Variants in ARSB observed in about 807,000 individuals in gnomAD.
ARSB encodes arylsulfatase B.
ARSB carries 41 observed loss-of-function variants against 50.9 expected under a neutral mutation model. That is an observed-to-expected ratio of 0.81 (90% CI 0.63 to 1.04). The LOEUF is 1.04. ARSB is among the 50% of genes least tolerant of loss of function. The pLI, the probability that ARSB is intolerant of heterozygous loss-of-function variation, is 0.00. For missense variants in ARSB, 672 were observed against 693.3 expected, an observed-to-expected ratio of 0.97 and a Z score of 0.35; for synonymous variants, 269 against 284.8, an observed-to-expected ratio of 0.94 and a Z score of 0.56.
chr5:78,805,748 G>T (rs1052246021), intron 6 of ARSB, among the ~76,000 whole-genome samples: 3 of 152,330 alleles, frequency 2.0e-5, no homozygotes, highest in Non-Finnish European at 2.9e-5. Flanking sequence ...TAAAATTTTT[G>T]ATTATCATCG....
At chr5:78,937,356 A>G (rs1416816616) in intron 4 of ARSB, among the ~76,000 whole-genome samples, 1 of 129,484 alleles carries the variant, frequency 7.7e-6, no homozygotes, top group African/African-American at 2.9e-5. Context: ...TATCATATAT[A>G]TGTAAGATAT....
At chr5:78,845,307 T>G (rs1745395985) in intron 5 of ARSB, among the ~76,000 whole-genome samples, 1 of 152,172 alleles carries the variant, frequency 6.6e-6, no homozygotes, top group Non-Finnish European at 1.5e-5. Flanking sequence ...ATTCTATATC[T>G]TGGGTATTGT....
chr5:78,855,502 G>C (rs1746093271), intron 5 of ARSB, among the ~76,000 whole-genome samples: 1 of 152,162 alleles, frequency 6.6e-6, no homozygotes, highest in Admixed American at 6.5e-5. Flanking sequence ...CATTGGGCTG[G>C]GGCAGTTCAG....
At chr5:78,972,602 G>C (rs914238558) in intron 1 of ARSB, among the ~76,000 whole-genome samples, 1 of 151,460 alleles carries the variant, frequency 6.6e-6, no homozygotes, top group Non-Finnish European at 1.5e-5. Flanking sequence ...AGAGAAAATT[G>C]ACCCTAGGAC....
intron 2 of ARSB, among the ~76,000 whole-genome samples, chr5:78,968,496 G>T (rs778452574): frequency 3.2e-4 from 49 of 152,076 alleles, no homozygotes; most frequent in Non-Finnish European, 5.0e-4. Context: ...CTATGGGCAA[G>T]TGCCACCATG....
At chr5:78,866,454 C>T (rs544613802) in intron 5 of ARSB, among the ~76,000 whole-genome samples, 4 of 152,170 alleles carry the variant, frequency 2.6e-5, no homozygotes, top group Non-Finnish European at 5.9e-5. Flanking sequence ...GGTGGGGACA[C>T]AGCCAAACCA....
chr5:78,832,171 A>G (rs1433325110), intron 6 of ARSB, among the ~76,000 whole-genome samples: 2 of 152,196 alleles, frequency 1.3e-5, no homozygotes, highest in African/African-American at 2.4e-5. Flanking sequence ...CTCAAGTTCA[A>G]AAGAATCAGA....
At chr5:78,979,646 C>T (rs1752813293) in intron 1 of ARSB, among the ~76,000 whole-genome samples, 1 of 152,126 alleles carries the variant, frequency 6.6e-6, no homozygotes, top group Non-Finnish European at 1.5e-5. Context: ...CTGTTTCCCC[C>T]TTTTTTCCTT....
chr5:78,859,203 C>T (rs530510340), intron 5 of ARSB, among the ~76,000 whole-genome samples: 20 of 151,928 alleles, frequency 1.3e-4, no homozygotes, highest in South Asian at 6.2e-4. Context: ...AGTATAGGCA[C>T]GGAAATTAGA....
chr5:78,798,505 C>T (rs1432931783), intron 6 of ARSB, among the ~76,000 whole-genome samples: 1 of 152,186 alleles, frequency 6.6e-6, no homozygotes, highest in East Asian at 1.9e-4. Flanking sequence ...AAGACCCCCC[C>T]GCCCCCTACA....
intron 4 of ARSB, among the ~76,000 whole-genome samples, chr5:78,903,657 CT>C (rs1011701680): frequency 6.6e-6 from 1 of 152,102 alleles, no homozygotes; most frequent in African/African-American, 2.4e-5. Context: ...ACACAAAATT[CT>C]TTTTTGGAAA....
intron 6 of ARSB, among the ~76,000 whole-genome samples, chr5:78,791,585 T>C (rs1214918793): frequency 1.3e-5 from 2 of 152,196 alleles, no homozygotes; most frequent in African/African-American, 2.4e-5. Context: ...CTGGTGCACA[T>C]GTGGCTCAAA....
intron 6 of ARSB, among the ~76,000 whole-genome samples, chr5:78,810,390 C>T (rs888308604): frequency 6.6e-5 from 10 of 152,192 alleles, no homozygotes; most frequent in African/African-American, 2.4e-4. Context: ...TTGCTTTGAA[C>T]AGAAAATGCA....
chr5:78,896,341 T>A (rs1463947829), intron 4 of ARSB, among the ~76,000 whole-genome samples: 1 of 152,042 alleles, frequency 6.6e-6, no homozygotes, highest in Non-Finnish European at 1.5e-5. Flanking sequence ...TTCCTTCAGC[T>A]CCAACGCACT....
At chr5:78,918,646 T>C (rs1278688816) in intron 4 of ARSB, among the ~76,000 whole-genome samples, 1 of 152,228 alleles carries the variant, frequency 6.6e-6, no homozygotes, top group Admixed American at 6.5e-5. Flanking sequence ...TCAAGACCTC[T>C]TCTTAATGCC....
intron 4 of ARSB, among the ~76,000 whole-genome samples, chr5:78,888,254 T>A (rs749084402): frequency 2.6e-5 from 4 of 152,226 alleles, no homozygotes; most frequent in African/African-American, 9.6e-5. Flanking sequence ...CCATTTCATA[T>A]TGAAGCTGAG....
chr5:78,923,742 C>T (rs1749931077), intron 4 of ARSB, among the ~76,000 whole-genome samples: 1 of 152,216 alleles, frequency 6.6e-6, no homozygotes, highest in South Asian at 2.1e-4. Context: ...TCATTAGCTC[C>T]TGCTTGCCCC....
upstream of ARSB, chr5:78,985,335 C>G (rs978757218): frequency 1.1e-5 from 13 of 1,165,562 alleles, no homozygotes; most frequent in Non-Finnish European, 1.4e-5. Context: ...CCGGGGCCTG[C>G]TCCGCCCCGG....
chr5:78,985,107 C>A lies in ARSB; in HGVS notation c.142G>T (p.Val48Phe). ...GAGASRPPHL[V>F]FLLADDLGWN... ...CCTAGGTCGTCTGCCAGCAAGAAGA[C>A]CAGGTGGGGCGGCCGGCTGGCCCCG... is the stretch of plus-strand genomic sequence containing the variant. Residue 48 changes from valine to phenylalanine, a missense_variant, in exon 1 of 8, where the codon GTC (valine) becomes TTC (phenylalanine). Physicochemically the swap from Val to Phe is conservative, Grantham distance 50. Coordinates refer to ENST00000264914, the MANE Select transcript of ARSB (RefSeq NM_000046.5). 6.6e-7 allele frequency: 1 copy of A among 1,509,704 alleles called. No individual in the cohort carries two copies. Among genetic ancestry groups the A allele is most frequent in the Non-Finnish European group, 8.9e-7 (1 of 1,127,328 alleles). 93.5% of individuals were successfully genotyped at this position (1,509,704 alleles called of 1,614,324 possible).
Sources: allele counts gnomAD v4.1 joint callset (sites outside exome capture counted in the v4.1 genomes callset), GRCh38; gene constraint gnomAD v4.1.1; transcripts MANE v1.5; gene names NCBI Gene and HGNC (gene_info 2026-07-23, HGNC 2026-07-21).